Variants in ERC2 observed in about 807,000 individuals in gnomAD.
ERC2 encodes ELKS/RAB6-interacting/CAST family member 2, also known as ERC protein 2.
In ERC2, 42 loss-of-function variants were observed where a neutral mutation model predicts 114.8. The observed-to-expected ratio is 0.37, with a 90% CI of 0.29 to 0.47. The LOEUF (loss-of-function observed/expected upper bound fraction) is 0.47, where lower values mean the gene tolerates loss of function less well. Among genes scored for constraint, ERC2 ranks in the 20% least tolerant of loss-of-function variants. ERC2 has a pLI of 0.99. For missense variants in ERC2, 939 were observed against 1,150.7 expected (o/e 0.82, Z 2.66); for synonymous variants, 454 against 425.5 (o/e 1.07, Z -0.82).
chr3:56,339,454 T>G (rs1016850557), intron 2 of ERC2, among the ~76,000 whole-genome samples: 1 of 151,998 alleles, frequency 6.6e-6, no homozygotes, highest in Non-Finnish European at 1.5e-5. Context: ...ACTGCTGAAG[T>G]GCGGTGTGGC....
chr3:56,157,505 C>T (rs574036334), intron 4 of ERC2, among the ~76,000 whole-genome samples: 2 of 152,262 alleles, frequency 1.3e-5, no homozygotes, highest in African/African-American at 4.8e-5. Flanking sequence ...TACTACTTTG[C>T]AACACAGTGA....
chr3:56,300,365 C>T (rs2055787716), intron 2 of ERC2, among the ~76,000 whole-genome samples: 1 of 151,408 alleles, frequency 6.6e-6, no homozygotes, highest in Non-Finnish European at 1.5e-5. Context: ...AGAAGCAACA[C>T]TATGTCATGA....
intron 8 of ERC2, among the ~76,000 whole-genome samples, chr3:56,013,965 A>G (rs2073132658): frequency 6.6e-6 from 1 of 152,208 alleles, no homozygotes; most frequent in South Asian, 2.1e-4. Context: ...GTCCTAAGAT[A>G]GAGAACCTTG....
At chr3:56,036,805 G>A (rs1200718736) in intron 7 of ERC2, among the ~76,000 whole-genome samples, 2 of 152,114 alleles carry the variant, frequency 1.3e-5, no homozygotes, top group South Asian at 2.1e-4. Flanking sequence ...CACCAGAGCC[G>A]TGGGGCCCAA....
chr3:55,868,487 G>T (rs972021996), intron 14 of ERC2, among the ~76,000 whole-genome samples: 2 of 152,186 alleles, frequency 1.3e-5, no homozygotes, highest in South Asian at 2.1e-4. Context: ...CAGCTCACAA[G>T]AAAAAGAACA....
At chr3:56,234,535 C>T (rs1348666228) in intron 3 of ERC2, among the ~76,000 whole-genome samples, 2 of 152,218 alleles carry the variant, frequency 1.3e-5, no homozygotes, top group East Asian at 3.9e-4. Flanking sequence ...GACCATGAAC[C>T]CTGGAATTTC....
At chr3:55,588,446 G>T (rs1194104677) in intron 17 of ERC2, among the ~76,000 whole-genome samples, 1 of 152,146 alleles carries the variant, frequency 6.6e-6, no homozygotes, top group African/African-American at 2.4e-5. Context: ...TTCCACTTAG[G>T]CCCCGGTAAG....
chr3:56,432,664 G>A (rs138775986), intron 2 of ERC2, among the ~76,000 whole-genome samples: 2 of 152,296 alleles, frequency 1.3e-5, no homozygotes, highest in African/African-American at 2.4e-5. Flanking sequence ...TTCTACAGGC[G>A]CTTAAACTCC....
chr3:56,124,492 T>C (rs1286225176), intron 6 of ERC2, among the ~76,000 whole-genome samples: 1 of 152,222 alleles, frequency 6.6e-6, no homozygotes, highest in Admixed American at 6.5e-5. Flanking sequence ...CAATGCAACA[T>C]CTTCCTGGGT....
intron 7 of ERC2, among the ~76,000 whole-genome samples, chr3:56,064,061 G>T (rs957101224): frequency 6.6e-6 from 1 of 152,156 alleles, no homozygotes; most frequent in Non-Finnish European, 1.5e-5. Context: ...CCGTGAACAA[G>T]CCTGTAGCTA....
At chr3:55,559,852 C>A (rs1275468474) in intron 17 of ERC2, among the ~76,000 whole-genome samples, 1 of 152,246 alleles carries the variant, frequency 6.6e-6, no homozygotes, top group Non-Finnish European at 1.5e-5. Flanking sequence ...CCATATTTCA[C>A]GCTGAATCAT....
intron 14 of ERC2, among the ~76,000 whole-genome samples, chr3:55,865,825 T>C (rs1015190792): frequency 3.3e-5 from 5 of 152,222 alleles, no homozygotes; most frequent in Admixed American, 6.6e-5. Flanking sequence ...ATTGTATGGA[T>C]GTACCATCTT....
intron 1 of ERC2, among the ~76,000 whole-genome samples, chr3:56,454,570 C>T (rs543344131): frequency 1.3e-5 from 2 of 152,222 alleles, no homozygotes; most frequent in South Asian, 2.1e-4. Context: ...GAAGTATACA[C>T]ATAAAATGGA....
At chr3:55,519,119 T>C (rs2052729194) in intron 17 of ERC2, among the ~76,000 whole-genome samples, 3 of 152,240 alleles carry the variant, frequency 2.0e-5, no homozygotes, top group Admixed American at 6.5e-5. Flanking sequence ...CTCTGCTCTC[T>C]GAGCTGCCTG....
At chr3:56,342,605 A>G (rs1222188452) in intron 2 of ERC2, among the ~76,000 whole-genome samples, 1 of 152,210 alleles carries the variant, frequency 6.6e-6, no homozygotes, top group South Asian at 2.1e-4. Flanking sequence ...GGACACAGAA[A>G]TGAAACAGTC....
chr3:56,090,744 T>G (rs2077742855), intron 6 of ERC2, among the ~76,000 whole-genome samples: 1 of 151,456 alleles, frequency 6.6e-6, no homozygotes, highest in South Asian at 2.1e-4. Flanking sequence ...ACCCAAATAG[T>G]GAACATTGTG....
At chr3:56,363,432 T>C (rs1317551897) in intron 2 of ERC2, among the ~76,000 whole-genome samples, 1 of 152,170 alleles carries the variant, frequency 6.6e-6, no homozygotes, top group Non-Finnish European at 1.5e-5. Flanking sequence ...AGTATCCTTA[T>C]CCAAAGTAGC....
At chr3:55,619,844 CTACAT>C (rs1361479073) in intron 17 of ERC2, among the ~76,000 whole-genome samples, 2 of 152,192 alleles carry the variant, frequency 1.3e-5, no homozygotes, top group African/African-American at 4.8e-5. Context: ...AACTCTGTCT[CTACAT>C]TACAAGACAG....
At chr3:55,687,717 A>G (rs2062407938) in intron 16 of ERC2, among the ~76,000 whole-genome samples, 1 of 152,210 alleles carries the variant, frequency 6.6e-6, no homozygotes, top group Non-Finnish European at 1.5e-5. Flanking sequence ...TTCAAGCCCC[A>G]GGACTTTGCA....
Sources: allele counts gnomAD v4.1 joint callset (sites outside exome capture counted in the v4.1 genomes callset), GRCh38; gene constraint gnomAD v4.1.1; transcripts MANE v1.5; gene names NCBI Gene and HGNC (gene_info 2026-07-23, HGNC 2026-07-21).